Variants in CTDP1 observed in about 807,000 individuals in gnomAD.
The protein encoded by CTDP1 is CTD phosphatase 1, also known as RNA polymerase II subunit A C-terminal domain phosphatase.
In CTDP1, 47 loss-of-function variants were observed where a neutral mutation model predicts 91.8. That is an observed-to-expected ratio of 0.51 (90% CI 0.41 to 0.65). The LOEUF (loss-of-function observed/expected upper bound fraction) is 0.65, where lower values mean the gene tolerates loss of function less well. Among genes scored for constraint, CTDP1 ranks in the 30% least tolerant of loss-of-function variants. CTDP1 has a pLI of 0.00. For synonymous variants in CTDP1, 656 were observed against 598.5 expected (o/e 1.10, Z -1.40); for missense variants, 1,272 against 1,373.7 (o/e 0.93, Z 1.17).
chr18:79,679,622 T>C (rs1037992106), upstream of CTDP1: 2 of 482,350 alleles, frequency 4.1e-6, no homozygotes, highest in Non-Finnish European at 8.2e-6. Flanking sequence ...TGCATGCCGC[T>C]GCTCCACGGT....
In CTDP1 at chr18:79,717,858, C is replaced by T. The variant is rs918021545; in HGVS notation, c.2259C>T (p.Thr753=). Residue 753 remains threonine (T), a synonymous_variant, in exon 10 of 13, where the codon ACC becomes ACT. Coordinates refer to ENST00000613122, the MANE Select transcript of CTDP1 (RefSeq NM_004715.5). The part of the protein sequence containing the change: ...AFPDREGVPP[T]ALFHPMPVLP... ...CCGACCGGGAGGGTGTGCCCCCCAC[C>T]GCCTTGTTCCACCCGATGCCGGTTC... The T allele has an allele frequency of 2.0e-5, 33 of 1,613,564 alleles. No individual in the cohort carries two copies. The highest frequency in any genetic ancestry group is 1.6e-4 in the Middle Eastern group (1 of 6,084).
chr18:79,743,963 C>T (rs779070307), intron 12 of CTDP1, among the ~76,000 whole-genome samples: 150 of 152,306 alleles, frequency 9.8e-4, no homozygotes, highest in Non-Finnish European at 1.7e-3. Context: ...CAAAGCCACC[C>T]TCCGCTCACT....
chr18:79,748,406 G>A (rs568353449), intron 12 of CTDP1, among the ~76,000 whole-genome samples: 4 of 152,326 alleles, frequency 2.6e-5, no homozygotes, highest in South Asian at 2.1e-4. Context: ...AGGGAGGGCC[G>A]CCCCAGCCCG....
intron 12 of CTDP1, among the ~76,000 whole-genome samples, chr18:79,751,668 C>G (rs181600524): frequency 6.6e-6 from 1 of 152,096 alleles, no homozygotes; most frequent in Non-Finnish European, 1.5e-5. Context: ...ATATTAGCCT[C>G]GAGTGCATGT....
chr18:79,691,167 A>G (rs1448654156), intron 1 of CTDP1, among the ~76,000 whole-genome samples: 1 of 151,826 alleles, frequency 6.6e-6, no homozygotes, highest in Non-Finnish European at 1.5e-5. Context: ...TGCCGGTGGC[A>G]CCTCCGTCTT....
chr18:79,708,654 C>G (rs897861064), intron 5 of CTDP1, among the ~76,000 whole-genome samples: 6 of 152,274 alleles, frequency 3.9e-5, no homozygotes, highest in African/African-American at 1.4e-4. Flanking sequence ...GATGTCTCAT[C>G]TACCTCCTTT....
chr18:79,679,674 G>C (rs1955914237), upstream of CTDP1: 2 of 527,584 alleles, frequency 3.8e-6, no homozygotes, highest in Non-Finnish European at 7.3e-6. Context: ...CAGGAACGCA[G>C]TTCTTCACGG....
At chr18:79,733,318 C>T (rs1248049006) in intron 11 of CTDP1, among the ~76,000 whole-genome samples, 1 of 152,232 alleles carries the variant, frequency 6.6e-6, no homozygotes, top group Non-Finnish European at 1.5e-5. Context: ...AAACACCCGC[C>T]TGTCTCAGCC....
chr18:79,685,844 G>T (rs1392036730), intron 1 of CTDP1, among the ~76,000 whole-genome samples: 1 of 152,104 alleles, frequency 6.6e-6, no homozygotes, highest in Non-Finnish European at 1.5e-5. Context: ...TGATGAATTG[G>T]TAATTCTTTT....
intron 11 of CTDP1, among the ~76,000 whole-genome samples, chr18:79,730,762 G>A (rs538288964): frequency 2.2e-4 from 33 of 152,320 alleles, no homozygotes; most frequent in African/African-American, 6.0e-4. Context: ...GAGGAGCCCC[G>A]GCGCCAAGGA....
At chr18:79,705,563 C>T (rs916340262) in intron 5 of CTDP1, among the ~76,000 whole-genome samples, 5 of 151,314 alleles carry the variant, frequency 3.3e-5, no homozygotes, top group African/African-American at 9.7e-5. Flanking sequence ...GTCTGTCCCA[C>T]GTGGACGAAG....
chr18:79,729,885 C>T (rs1296860691), intron 11 of CTDP1, among the ~76,000 whole-genome samples: 2 of 152,226 alleles, frequency 1.3e-5, no homozygotes, highest in African/African-American at 4.8e-5. Flanking sequence ...CGTCCCCTTC[C>T]CTCAGGTCTT....
intron 12 of CTDP1, among the ~76,000 whole-genome samples, chr18:79,741,801 G>T (rs1006213119): frequency 7.2e-5 from 11 of 152,186 alleles, no homozygotes; most frequent in Admixed American, 7.2e-4. Context: ...AGGGAATAGT[G>T]CTCCACCAGA....
chr18:79,714,597 G>T lies in CTDP1; in HGVS notation c.1137G>T (p.Lys379Asn). ...PGVEPSNGLE[K>N]PARELNGSEA... ...TGGAGCCCAGCAATGGCCTGGAGAA[G>T]CCTGCACGGGAGCTGAACGGCAGCG... Residue 379 changes from lysine (K) to asparagine (N), a missense_variant, in exon 8 of 13, where the codon AAG (lysine) becomes AAT (asparagine). By Grantham distance (94) the Lys-to-Asn change is moderately conservative. Transcript: ENST00000613122. 1 of 1,613,048 alleles carries T rather than the reference G, an allele frequency of 6.2e-7. No individual in the cohort carries two copies. Among genetic ancestry groups the T allele is most frequent in the African/African-American group, 1.3e-5 (1 of 75,074 alleles).
At chr18:79,729,575 G>A (rs145615997) in intron 11 of CTDP1, among the ~76,000 whole-genome samples, 4 of 152,334 alleles carry the variant, frequency 2.6e-5, no homozygotes, top group African/African-American at 4.8e-5. Flanking sequence ...TTATCACAGC[G>A]CGAAACAACT....
chr18:79,733,505 C>T (rs1282852755), intron 11 of CTDP1, among the ~76,000 whole-genome samples: 1 of 152,210 alleles, frequency 6.6e-6, no homozygotes, highest in Non-Finnish European at 1.5e-5. Context: ...GAGCCGGCGT[C>T]CGCTGCCTCT....
At chr18:79,756,064 C>G (rs1176632051), downstream of CTDP1, 2 of 152,672 alleles carry the variant, frequency 1.3e-5, no homozygotes, top group African/African-American at 4.8e-5. Context: ...GCCCCAGGCT[C>G]TGGGATCGCC....
At chr18:79,749,629 T>G (rs903345627) in intron 12 of CTDP1, among the ~76,000 whole-genome samples, 2 of 152,072 alleles carry the variant, frequency 1.3e-5, no homozygotes, top group African/African-American at 2.4e-5. Context: ...GTCAGCGCCA[T>G]GCACTGCTCT....
At chr18:79,696,106 C>G in intron 3 of CTDP1, 36 bp downstream of exon 3, 2 of 1,582,012 alleles carry the variant, frequency 1.3e-6, no homozygotes, top group South Asian at 2.2e-5. Flanking sequence ...GTTGGGGAAG[C>G]GTGGTGCTCT....
Sources: allele counts gnomAD v4.1 joint callset (sites outside exome capture counted in the v4.1 genomes callset), GRCh38; gene constraint gnomAD v4.1.1; transcripts MANE v1.5; gene names NCBI Gene and HGNC (gene_info 2026-07-23, HGNC 2026-07-21).